The following AATF variants were observed in gnomAD, a reference collection of about 807,000 sequenced individuals.
The protein encoded by AATF is protein AATF.
AATF carries 48 observed loss-of-function variants against 63.7 expected under a neutral mutation model. The ratio of observed to expected loss-of-function variants is 0.75; its 90% CI spans 0.60 to 0.96. AATF has a LOEUF of 0.96. Ranked by LOEUF, AATF falls within the 40% of genes least tolerant of loss-of-function variation. The probability of loss-of-function intolerance (pLI) is 0.00; values close to 1 mark genes in which losing one functional copy is unlikely to be tolerated. For missense variants in AATF, 639 were observed against 685.7 expected (o/e 0.93, Z 0.76); for synonymous variants, 258 against 247.7 (o/e 1.04, Z -0.39).
intron 4 of AATF, among the ~76,000 whole-genome samples, chr17:36,965,302 C>T (rs1414826185): frequency 1.3e-5 from 2 of 152,078 alleles, no homozygotes; most frequent in Non-Finnish European, 2.9e-5. Context: ...CTTTTATAGG[C>T]GGCCACATTC....
intron 11 of AATF, among the ~76,000 whole-genome samples, chr17:37,037,018 T>G (rs150489887): frequency 5.2e-4 from 79 of 151,322 alleles, no homozygotes; most frequent in African/African-American, 1.7e-3. Flanking sequence ...TTGTTTTTTT[T>G]TTTTTTTTGA....
chr17:36,973,065 G>A (rs999094930), intron 4 of AATF, among the ~76,000 whole-genome samples: 1 of 152,180 alleles, frequency 6.6e-6, no homozygotes, highest in Admixed American at 6.5e-5. Context: ...AGTGCAAGAT[G>A]CAAGTTTCTC....
chr17:37,035,075 G>A (rs963439287), intron 11 of AATF, among the ~76,000 whole-genome samples: 1 of 150,462 alleles, frequency 6.6e-6, no homozygotes. Context: ...AGTGAGCCGA[G>A]ATCGTGCCAC....
intron 11 of AATF, among the ~76,000 whole-genome samples, chr17:37,034,257 C>T (rs1597734841): frequency 6.6e-6 from 1 of 152,114 alleles, no homozygotes; most frequent in African/African-American, 2.4e-5. Flanking sequence ...ACTATGGGTA[C>T]AGTAAATAGG....
In AATF at chr17:36,949,091, G is replaced by T. The variant is rs567913791; in HGVS notation, c.-35G>T. The T allele has an allele frequency of 3.3e-6, 5 of 1,528,872 alleles. No homozygotes were observed. In the African/African-American group the frequency reaches 4.1e-5, roughly 13 times the overall value. The allele number at this position is 1,528,872 out of a possible 1,614,324, so 94.7% of individuals were successfully genotyped here. A position where few individuals can be genotyped will look rare whatever the true frequency, so the allele number is the denominator to read the frequency against. On this transcript the variant is annotated 5_prime_UTR_variant, in exon 1 of 12. Coordinates refer to ENST00000619387, the MANE Select transcript of AATF (RefSeq NM_012138.4). ...GCCGGGGGTTGGGCCGCACATTTAC[G>T]TGCGCGAAGCGGAGTGGACCGGGAG...
At chr17:36,962,833 A>AGG (rs1211115808) in intron 4 of AATF, among the ~76,000 whole-genome samples, 23 of 152,240 alleles carry the variant, frequency 1.5e-4, no homozygotes, top group African/African-American at 5.5e-4. Context: ...AAAGAAAAAG[A>AGG]GGGAGAGGCT....
At chr17:36,995,172 C>G (rs1447448925) in intron 8 of AATF, among the ~76,000 whole-genome samples, 1 of 152,148 alleles carries the variant, frequency 6.6e-6, no homozygotes, top group African/African-American at 2.4e-5. Flanking sequence ...TTGACTCTAG[C>G]CAAGAGTATC....
At chr17:37,042,741 T>C (rs1269701019) in intron 11 of AATF, among the ~76,000 whole-genome samples, 2 of 149,262 alleles carry the variant, frequency 1.3e-5, no homozygotes, top group African/African-American at 2.5e-5. Flanking sequence ...TTCTTTCTTT[T>C]TTTTTTTTTT....
chr17:37,021,847 A>G (rs1597729056), intron 10 of AATF, among the ~76,000 whole-genome samples: 1 of 150,044 alleles, frequency 6.7e-6, no homozygotes, highest in East Asian at 1.9e-4. Flanking sequence ...TAATAAATAT[A>G]AAAATGTTAT....
At chr17:36,971,900 T>G (rs145150771) in intron 4 of AATF, among the ~76,000 whole-genome samples, 5 of 152,280 alleles carry the variant, frequency 3.3e-5, no homozygotes, top group African/African-American at 1.2e-4. Flanking sequence ...GGGAGAAAGG[T>G]CCGAGTGCAA....
rs2071195025 is a variant in AATF, at chr17:36,989,321, A to T, written c.1224A>T (p.Arg408=). The change falls in exon 7 of 12, where the codon CGA becomes CGT. Residue 408 remains arginine, a synonymous_variant. Transcript: ENST00000619387. ...TGATGGACAAAGAGAGATTACTTCG[A>T]AGGACACAGACCAAGCGCTCTGTCT... is the stretch of plus-strand genomic sequence containing the variant. ...HILMDKERLL[R]RTQTKRSVYR... The T allele has an allele frequency of 6.2e-7, 1 of 1,614,004 alleles. No individual in the cohort carries two copies. Among genetic ancestry groups the T allele is most frequent in the African/African-American group, 1.3e-5 (1 of 74,910 alleles).
At chr17:37,043,783 C>G (rs1263736293) in intron 11 of AATF, among the ~76,000 whole-genome samples, 1 of 152,190 alleles carries the variant, frequency 6.6e-6, no homozygotes, top group Non-Finnish European at 1.5e-5. Flanking sequence ...CAGTGCCACC[C>G]TGGGAAGCCT....
chr17:36,949,317 C>T (rs1275762665), intron 1 of AATF, 101 bp downstream of exon 1: 2 of 1,139,292 alleles, frequency 1.8e-6, no homozygotes, highest in Admixed American at 5.7e-5. Context: ...GCCGGGCCTG[C>T]GCTCCTTCGC....
chr17:36,985,971 A>G lies in AATF; in HGVS notation c.833-646A>G, dbSNP rs34276583. On this transcript the variant is annotated intron_variant, in intron 4 of 11. Transcript: ENST00000619387. ...GGTGAGAATATATTCTCAATGCCCA[A>G]ATTTTTAATATACAATTCAATACTG... Among the ~76,000 whole-genome samples, 673 of 152,308 alleles carry G rather than the reference A, an allele frequency of 4.4e-3. 6 individuals are homozygous for G. Among genetic ancestry groups the G allele is most frequent in the African/African-American group, 0.015 (615 of 41,578 alleles).
At chr17:37,004,410 A>G (rs1856886278) in intron 8 of AATF, among the ~76,000 whole-genome samples, 1 of 152,200 alleles carries the variant, frequency 6.6e-6, no homozygotes. Flanking sequence ...TAATGGGAAT[A>G]GAGAAATGGG....
intron 4 of AATF, among the ~76,000 whole-genome samples, chr17:36,963,683 T>C (rs1297362811): frequency 6.6e-6 from 1 of 152,232 alleles, no homozygotes; most frequent in Non-Finnish European, 1.5e-5. Flanking sequence ...TTTTATTTGT[T>C]TTACTTCTGT....
chr17:36,984,591 T>C (rs1421393153), intron 4 of AATF, among the ~76,000 whole-genome samples: 1 of 152,186 alleles, frequency 6.6e-6, no homozygotes, highest in Non-Finnish European at 1.5e-5. Context: ...AGGGTTATTC[T>C]AATAGAGAAG....
chr17:36,973,439 T>C (rs755997551), intron 4 of AATF, among the ~76,000 whole-genome samples: 46 of 152,306 alleles, frequency 3.0e-4, no homozygotes, highest in Non-Finnish European at 3.1e-4. Flanking sequence ...ACTCTTTTCA[T>C]CTGAGGGTTT....
chr17:37,005,220 G>A (rs1480444815), intron 8 of AATF, among the ~76,000 whole-genome samples: 1 of 152,196 alleles, frequency 6.6e-6, no homozygotes, highest in Non-Finnish European at 1.5e-5. Context: ...TGAATTCCAA[G>A]ATACATCTAT....
Sources: gnomAD v4.1 joint callset for allele counts (sites outside exome capture counted in the v4.1 genomes callset) on GRCh38, gnomAD v4.1.1 for gene constraint, MANE v1.5 for transcripts, NCBI Gene and HGNC (gene_info 2026-07-23, HGNC 2026-07-21) for gene names.